The following PABPC4L variants were observed in gnomAD, a reference collection of about 807,000 sequenced individuals.
The protein encoded by PABPC4L is poly(A) binding protein cytoplasmic 4 like.
For synonymous variants in PABPC4L, 169 were observed against 164.1 expected, an observed-to-expected ratio of 1.03 and a Z score of -0.23; for missense variants, 452 against 451.4, an observed-to-expected ratio of 1.00 and a Z score of -0.01.
the PABPC4L span, among the ~76,000 whole-genome samples, chr4:134,135,575 G>A: frequency 1.1e-4 from 17 of 152,034 alleles, no homozygotes; most frequent in African/African-American, 1.7e-4. Flanking sequence ...GCTCATGACC[G>A]TAATCCCGGC....
the PABPC4L span, among the ~76,000 whole-genome samples, chr4:133,950,638 G>T: frequency 2.3e-4 from 35 of 152,126 alleles, no homozygotes; most frequent in South Asian, 6.2e-4. Context: ...CCCCTATCTT[G>T]CCCAGTTCCT....
the PABPC4L span, among the ~76,000 whole-genome samples, chr4:133,964,749 A>T: frequency 6.6e-6 from 1 of 152,110 alleles, no homozygotes; most frequent in African/African-American, 2.4e-5. Flanking sequence ...CAGAAAAAGC[A>T]TTTAACAAAA....
At chr4:134,075,379 T>C in the PABPC4L span, among the ~76,000 whole-genome samples, 7 of 152,290 alleles carry the variant, frequency 4.6e-5, no homozygotes, top group East Asian at 1.9e-4. Flanking sequence ...GTTCTTAAGA[T>C]AAAAAAGTCT....
chr4:133,967,837 T>C, the PABPC4L span, among the ~76,000 whole-genome samples: 1 of 152,206 alleles, frequency 6.6e-6, no homozygotes, highest in Non-Finnish European at 1.5e-5. Flanking sequence ...AGGAATGTGA[T>C]GCCAAGCAAC....
the PABPC4L span, among the ~76,000 whole-genome samples, chr4:134,006,427 TCTC>T: frequency 1.3e-5 from 2 of 151,992 alleles, no homozygotes; most frequent in East Asian, 3.9e-4. Flanking sequence ...ACCAAGTCCT[TCTC>T]CTCCTCTTAA....
At chr4:134,152,423 A>G in the PABPC4L span, among the ~76,000 whole-genome samples, 1 of 152,196 alleles carries the variant, frequency 6.6e-6, no homozygotes, top group African/African-American at 2.4e-5. Context: ...AATTTAAGGC[A>G]GTGGCCCCAT....
At chr4:134,050,342 T>A in the PABPC4L span, among the ~76,000 whole-genome samples, 1 of 152,212 alleles carries the variant, frequency 6.6e-6, no homozygotes, top group South Asian at 2.1e-4. Flanking sequence ...GACAATGAAA[T>A]AATATCTTGA....
At chr4:134,085,616 C>G in the PABPC4L span, among the ~76,000 whole-genome samples, 1 of 152,138 alleles carries the variant, frequency 6.6e-6, no homozygotes, top group East Asian at 1.9e-4. Context: ...ATTCATACTT[C>G]TAACACCATA....
the PABPC4L span, among the ~76,000 whole-genome samples, chr4:133,971,668 G>C: frequency 6.6e-6 from 1 of 152,086 alleles, no homozygotes; most frequent in Non-Finnish European, 1.5e-5. Context: ...TTAATGTTTT[G>C]CCACCTCTGT....
At chr4:134,183,940 A>G in the PABPC4L span, among the ~76,000 whole-genome samples, 2 of 144,902 alleles carry the variant, frequency 1.4e-5, no homozygotes, top group South Asian at 2.1e-4. Flanking sequence ...GTGTGTGTGT[A>G]GAACTTAACA....
the PABPC4L span, among the ~76,000 whole-genome samples, chr4:134,173,256 A>T: frequency 5.3e-5 from 8 of 152,044 alleles, no homozygotes; most frequent in African/African-American, 1.9e-4. Context: ...GGAAATCTGT[A>T]TATCAAAGAG....
At chr4:134,068,412 T>A in the PABPC4L span, among the ~76,000 whole-genome samples, 1 of 152,168 alleles carries the variant, frequency 6.6e-6, no homozygotes, top group South Asian at 2.1e-4. Context: ...CCTGTTGGTG[T>A]CGTTGCATGG....
chr4:134,034,866 CTTAG>C, the PABPC4L span, among the ~76,000 whole-genome samples: 1 of 151,960 alleles, frequency 6.6e-6, no homozygotes, highest in Admixed American at 6.6e-5. Flanking sequence ...ATTATATAAA[CTTAG>C]TTAATAAAGT....
At chr4:134,195,873 AC>A (rs1729639338), downstream of PABPC4L, among the ~76,000 whole-genome samples, 1 of 151,772 alleles carries the variant, frequency 6.6e-6, no homozygotes, top group Non-Finnish European at 1.5e-5. Context: ...ATTTGAGTAC[AC>A]ATGCACTTGG....
At chr4:134,078,091 T>A in the PABPC4L span, among the ~76,000 whole-genome samples, 8 of 152,176 alleles carry the variant, frequency 5.3e-5, no homozygotes, top group Admixed American at 6.5e-5. Context: ...TACAGTGATA[T>A]AAGGTAAGTG....
chr4:133,975,604 T>G, the PABPC4L span, among the ~76,000 whole-genome samples: 714 of 152,214 alleles, frequency 4.7e-3, 9 homozygotes, highest in African/African-American at 0.016. Flanking sequence ...TCCAAATACT[T>G]TGAGGACTGT....
At chr4:134,002,942 C>A in the PABPC4L span, among the ~76,000 whole-genome samples, 1,804 of 151,846 alleles carry the variant, frequency 0.012, 29 homozygotes, top group African/African-American at 0.04. Context: ...GTTTTTCATG[C>A]ACCTCTAAAA....
chr4:134,022,276 G>T, the PABPC4L span, among the ~76,000 whole-genome samples: 1 of 151,914 alleles, frequency 6.6e-6, no homozygotes, highest in Non-Finnish European at 1.5e-5. Context: ...TCATATACTC[G>T]GTACTCAAAT....
At chr4:134,085,868 A>C in the PABPC4L span, among the ~76,000 whole-genome samples, 1 of 152,140 alleles carries the variant, frequency 6.6e-6, no homozygotes, top group South Asian at 2.1e-4. Flanking sequence ...TTGAGCATTC[A>C]CGTACATTTC....
Sources: gnomAD v4.1 joint callset for allele counts (sites outside exome capture counted in the v4.1 genomes callset) on GRCh38, gnomAD v4.1.1 for gene constraint, MANE v1.5 for transcripts, NCBI Gene and HGNC (gene_info 2026-07-23, HGNC 2026-07-21) for gene names.